Variants in MBTD1 observed in about 807,000 individuals in gnomAD.
MBTD1 encodes MBT domain-containing protein 1.
A neutral mutation model predicts 87.8 loss-of-function variants in MBTD1; 24 were observed. The ratio of observed to expected loss-of-function variants is 0.27; its 90% CI spans 0.20 to 0.38. The LOEUF (loss-of-function observed/expected upper bound fraction) is 0.38. MBTD1 is among the 10% of genes least tolerant of loss of function. The pLI is 1.00. For synonymous variants in MBTD1, 237 were observed against 248.6 expected (o/e 0.95, Z 0.44); for missense variants, 436 against 760.2 (o/e 0.57, Z 5.02).
At chr17:51,187,792 C>T (rs537193742) in intron 16 of MBTD1, among the ~76,000 whole-genome samples, 73 of 149,356 alleles carry the variant, frequency 4.9e-4, no homozygotes, top group African/African-American at 1.6e-3. Flanking sequence ...GAGGTTGTGG[C>T]GAGCCGACAG....
chr17:51,259,145 C>T lies in MBTD1; in HGVS notation c.-51G>A, dbSNP rs1387999786. On this transcript the variant is annotated splice_region_variant and 5_prime_UTR_variant, in exon 2 of 17. It adds an upstream start codon to the 5' untranslated region. Coordinates refer to ENST00000586178, the MANE Select transcript of MBTD1 (RefSeq NM_017643.3). ...TAAGCAGGGTTCAGACTACCTACCA[C>T]TTGTCAGAGAGGCTGCAGAGGGGAC... is the stretch of plus-strand genomic sequence containing the variant. 12 of 660,316 alleles carry T rather than the reference C, an allele frequency of 1.8e-5. No homozygotes were observed. The highest frequency in any genetic ancestry group is 2.6e-5 in the Non-Finnish European group (12 of 465,482). The allele number at this position is 660,316 out of a possible 1,614,324, so 40.9% of individuals were successfully genotyped here.
At chr17:51,243,772 C>T (rs1428345332) in intron 2 of MBTD1, among the ~76,000 whole-genome samples, 2 of 152,152 alleles carry the variant, frequency 1.3e-5, no homozygotes, top group Non-Finnish European at 2.9e-5. Context: ...AGCGATCCTC[C>T]CACCACAGCC....
At chr17:51,232,522 C>A (rs2053603013) in intron 2 of MBTD1, among the ~76,000 whole-genome samples, 1 of 151,974 alleles carries the variant, frequency 6.6e-6, no homozygotes, top group African/African-American at 2.4e-5. Context: ...CAAACACCAA[C>A]TTATTAGACA....
chr17:51,232,191 A>G (rs953037716), intron 2 of MBTD1, among the ~76,000 whole-genome samples: 9 of 152,176 alleles, frequency 5.9e-5, no homozygotes, highest in African/African-American at 2.2e-4. Flanking sequence ...CTCTATGGTC[A>G]GGGAACTCCC....
chr17:51,202,972 G>T, intron 9 of MBTD1, 37 bp from the exon 10 acceptor site: 1 of 1,516,124 alleles, frequency 6.6e-7, no homozygotes, highest in South Asian at 1.1e-5. Flanking sequence ...CGAAATTCAT[G>T]ACAAAGGTCT....
intron 2 of MBTD1, among the ~76,000 whole-genome samples, chr17:51,239,292 A>C (rs142194572): frequency 6.6e-6 from 1 of 152,194 alleles, no homozygotes; most frequent in African/African-American, 2.4e-5. Context: ...TAATTCATTA[A>C]ATTTAAATTA....
chr17:51,213,287 C>T (rs2052364666), intron 6 of MBTD1, among the ~76,000 whole-genome samples: 2 of 152,148 alleles, frequency 1.3e-5, no homozygotes, highest in Non-Finnish European at 1.5e-5. Context: ...CTACCTTGGC[C>T]TCCCAAAATG....
intron 14 of MBTD1, 129 bp from the exon 15 acceptor site, chr17:51,193,145 A>C (rs1210822656): frequency 1.4e-6 from 1 of 692,984 alleles, no homozygotes; most frequent in Non-Finnish European, 2.5e-6. Flanking sequence ...AATTCCAAAT[A>C]ATTCTTTAAC....
intron 6 of MBTD1, among the ~76,000 whole-genome samples, chr17:51,211,896 G>C (rs913425825): frequency 4.0e-5 from 6 of 151,880 alleles, no homozygotes; most frequent in Non-Finnish European, 8.8e-5. Flanking sequence ...ATACACAAAA[G>C]GGCTTTTATT....
chr17:51,197,261 C>T (rs1467043884), intron 12 of MBTD1, among the ~76,000 whole-genome samples: 1 of 150,550 alleles, frequency 6.6e-6, no homozygotes, highest in Non-Finnish European at 1.5e-5. Flanking sequence ...ACCACCACAC[C>T]CGACTTATTT....
upstream of MBTD1, chr17:51,260,817 T>A: frequency 1.9e-6 from 3 of 1,592,470 alleles, no homozygotes; most frequent in South Asian, 1.1e-5. Flanking sequence ...CGGAACCGCC[T>A]GAGGCTGGAG....
intron 6 of MBTD1, among the ~76,000 whole-genome samples, chr17:51,210,796 C>T (rs1465526067): frequency 7.7e-6 from 1 of 130,120 alleles, no homozygotes; most frequent in Non-Finnish European, 1.7e-5. Flanking sequence ...ACAACAACAA[C>T]AACATGCATA....
chr17:51,193,365 C>G, intron 14 of MBTD1, 63 bp downstream of exon 14: 1 of 1,116,066 alleles, frequency 9.0e-7, no homozygotes. Context: ...TTTTTATGAA[C>G]ATAAATTGTA....
intron 2 of MBTD1, among the ~76,000 whole-genome samples, chr17:51,234,397 C>T (rs1162620861): frequency 9.7e-6 from 1 of 103,264 alleles, no homozygotes; most frequent in Non-Finnish European, 1.9e-5. Context: ...TTGTCCCCGT[C>T]TCCAAAAAAA....
chr17:51,219,662 A>T (rs926446378), intron 4 of MBTD1, among the ~76,000 whole-genome samples: 2 of 152,226 alleles, frequency 1.3e-5, no homozygotes, highest in Non-Finnish European at 2.9e-5. Context: ...CTATGTAATG[A>T]TCACAATAAT....
chr17:51,246,088 T>C (rs1444689598), intron 2 of MBTD1, among the ~76,000 whole-genome samples: 1 of 152,206 alleles, frequency 6.6e-6, no homozygotes, highest in Non-Finnish European at 1.5e-5. Flanking sequence ...GGAATTTAAT[T>C]ATAGTTTGAG....
intron 3 of MBTD1, among the ~76,000 whole-genome samples, chr17:51,223,765 G>A (rs1314673225): frequency 6.6e-6 from 1 of 152,174 alleles, no homozygotes; most frequent in African/African-American, 2.4e-5. Context: ...GAACCCGGGA[G>A]GTGGAGGCTA....
chr17:51,247,379 T>G (rs568741719), intron 2 of MBTD1, among the ~76,000 whole-genome samples: 4 of 152,272 alleles, frequency 2.6e-5, no homozygotes, highest in African/African-American at 9.6e-5. Context: ...AGTATCTGTA[T>G]GTGATAACTC....
At chr17:51,215,115 A>G (rs1401685511) in intron 6 of MBTD1, among the ~76,000 whole-genome samples, 1 of 152,224 alleles carries the variant, frequency 6.6e-6, no homozygotes, top group Non-Finnish European at 1.5e-5. Context: ...GAAGGCAGTA[A>G]AGAGAGGTAA....
Sources: allele counts gnomAD v4.1 joint callset (sites outside exome capture counted in the v4.1 genomes callset), GRCh38; gene constraint gnomAD v4.1.1; transcripts MANE v1.5; gene names NCBI Gene and HGNC (gene_info 2026-07-23, HGNC 2026-07-21).